The following LRP1B variants were observed in gnomAD, a reference collection of about 807,000 sequenced individuals.
The protein encoded by LRP1B is low-density lipoprotein receptor-related protein 1B.
In LRP1B, 217 loss-of-function variants were observed where a neutral mutation model predicts 556.6. The ratio of observed to expected loss-of-function variants is 0.39; its 90% CI spans 0.35 to 0.44. LRP1B has a LOEUF of 0.44. LRP1B is among the 20% of genes least tolerant of loss of function. The pLI is 1.00. For missense variants in LRP1B, 5,053 were observed against 5,620.8 expected, an observed-to-expected ratio of 0.90 and a Z score of 3.23; for synonymous variants, 2,047 against 1,865.8, an observed-to-expected ratio of 1.10 and a Z score of -2.50.
intron 2 of LRP1B, among the ~76,000 whole-genome samples, chr2:141,485,297 T>C (rs571988068): frequency 2.6e-5 from 4 of 152,250 alleles, no homozygotes; most frequent in African/African-American, 9.6e-5. Context: ...AACCAGTCCT[T>C]CCCAAATTTT....
At chr2:141,896,497 C>T (rs1042563518) in intron 1 of LRP1B, among the ~76,000 whole-genome samples, 2 of 152,054 alleles carry the variant, frequency 1.3e-5, no homozygotes, top group Non-Finnish European at 2.9e-5. Flanking sequence ...GACCCAATTG[C>T]CCCATATGTC....
intron 66 of LRP1B, among the ~76,000 whole-genome samples, chr2:140,439,643 A>G (rs1036935137): frequency 3.3e-5 from 5 of 152,060 alleles, no homozygotes; most frequent in African/African-American, 7.2e-5. Flanking sequence ...GAAGTTATAT[A>G]TTTAATTTAA....
chr2:142,007,407 C>T (rs1404884723), intron 1 of LRP1B, among the ~76,000 whole-genome samples: 1 of 152,014 alleles, frequency 6.6e-6, no homozygotes, highest in East Asian at 1.9e-4. Flanking sequence ...AACAAGTATT[C>T]TATGTTAATG....
At chr2:141,088,040 C>T (rs1700088951) in intron 7 of LRP1B, among the ~76,000 whole-genome samples, 1 of 151,968 alleles carries the variant, frequency 6.6e-6, no homozygotes, top group African/African-American at 2.4e-5. Context: ...TTTTCTATTC[C>T]AAAAACTGCT....
Position 140,495,558 on chromosome 2 carries a change from T to G in LRP1B, c.9034+7A>C. 6.4e-7 allele frequency: 1 copy of G among 1,572,634 alleles called. No homozygotes were observed. Among genetic ancestry groups the G allele is most frequent in the Non-Finnish European group, 8.7e-7 (1 of 1,148,736 alleles). On this transcript the variant is annotated splice_region_variant and intron_variant, in intron 56 of 90. Coordinates refer to ENST00000389484, the MANE Select transcript of LRP1B (RefSeq NM_018557.3). ...GGTTGGATCAGTGGGCAAGTTCAAT[T>G]CGATACCTGAGAGCGATTTGCAGCC... is the stretch of plus-strand genomic sequence containing the variant.
At chr2:140,917,684 G>T (rs757148552) in intron 21 of LRP1B, among the ~76,000 whole-genome samples, 1 of 152,132 alleles carries the variant, frequency 6.6e-6, no homozygotes, top group Non-Finnish European at 1.5e-5. Flanking sequence ...CAGGAGCTAA[G>T]GGGGAGGGAA....
At chr2:141,746,672 A>G (rs1693925361) in intron 2 of LRP1B, among the ~76,000 whole-genome samples, 1 of 152,082 alleles carries the variant, frequency 6.6e-6, no homozygotes, top group Admixed American at 6.5e-5. Flanking sequence ...CACAAGATAT[A>G]GATAGTTGTT....
At chr2:141,891,710 T>G (rs1159050079) in intron 1 of LRP1B, among the ~76,000 whole-genome samples, 2 of 152,174 alleles carry the variant, frequency 1.3e-5, no homozygotes, top group African/African-American at 2.4e-5. Flanking sequence ...TTTATGCATC[T>G]AAGCAATTTA....
intron 27 of LRP1B, among the ~76,000 whole-genome samples, chr2:140,861,607 T>C (rs1203719104): frequency 1.3e-5 from 2 of 152,212 alleles, no homozygotes; most frequent in Non-Finnish European, 2.9e-5. Context: ...GGTATTTTTT[T>C]TGGAATTTAC....
chr2:140,701,992 G>T, intron 39 of LRP1B, 147 bp from the exon 40 acceptor site: 1 of 1,295,764 alleles, frequency 7.7e-7, no homozygotes, highest in Non-Finnish European at 1.1e-6. Flanking sequence ...GCTTGGAATA[G>T]CAAGAGTACC....
intron 2 of LRP1B, among the ~76,000 whole-genome samples, chr2:141,686,455 T>C (rs1040016932): frequency 6.6e-6 from 1 of 151,992 alleles, no homozygotes; most frequent in Non-Finnish European, 1.5e-5. Flanking sequence ...AATAATGGTT[T>C]ACAGTACATA....
chr2:141,368,583 A>G (rs1689123612), intron 3 of LRP1B, among the ~76,000 whole-genome samples: 1 of 152,216 alleles, frequency 6.6e-6, no homozygotes, highest in Non-Finnish European at 1.5e-5. Flanking sequence ...TCTAAATGTC[A>G]ATGCATAATG....
chr2:140,577,148 G>C (rs1039399828), intron 43 of LRP1B, among the ~76,000 whole-genome samples: 1 of 152,068 alleles, frequency 6.6e-6, no homozygotes, highest in Admixed American at 6.5e-5. Flanking sequence ...GGTCTACTGG[G>C]AGATCAACTT....
chr2:140,669,228 G>A (rs1685396146), intron 41 of LRP1B, among the ~76,000 whole-genome samples: 1 of 151,910 alleles, frequency 6.6e-6, no homozygotes, highest in Non-Finnish European at 1.5e-5. Context: ...GGCTCTTATA[G>A]GGATATAAAA....
rs1553438792 is a variant in LRP1B, at chr2:140,968,008, T to TGTTGTGTGTC, written c.2887+14151_2887+14152insGACACACAAC. Among the ~76,000 whole-genome samples the TGTTGTGTGTC allele has an allele frequency of 2.2e-4, 4 of 18,076 alleles. 1 individual carries two copies. Among genetic ancestry groups the TGTTGTGTGTC allele is most frequent in the Non-Finnish European group, 6.2e-4 (4 of 6,436 alleles). The allele number at this position is 18,076 out of a possible 152,430, so 11.9% of individuals were successfully genotyped here. On this transcript the variant is annotated intron_variant, in intron 18 of 90. Transcript: ENST00000389484. ...GATATTGGTCTAAAATTCTCTTTTTTTGCCAGGCTTTGGTATCAAGATGAT... is the reference window on the plus strand; with the variant it reads ...GATATTGGTCTAAAATTCTCTTTTTTGTTGTGTGTCTGCCAGGCTTTGGTATCAAGATGAT...
chr2:141,035,616 A>C (rs1698510752), intron 11 of LRP1B, among the ~76,000 whole-genome samples: 1 of 152,056 alleles, frequency 6.6e-6, no homozygotes, highest in African/African-American at 2.4e-5. Context: ...TAAGGATCAG[A>C]TTTATAGATT....
intron 3 of LRP1B, among the ~76,000 whole-genome samples, chr2:141,392,124 G>T (rs1017389756): frequency 6.6e-6 from 1 of 151,986 alleles, no homozygotes. Context: ...CAGGAGCATG[G>T]GTTACTAATG....
intron 41 of LRP1B, among the ~76,000 whole-genome samples, chr2:140,619,085 ACACACACACAC>A (rs1683360328): frequency 3.3e-5 from 2 of 59,760 alleles, no homozygotes; most frequent in Admixed American, 3.1e-4. Context: ...ACACACACAC[ACACACACACAC>A]ACACACACAC....
intron 90 of LRP1B, 46 bp from the exon 91 acceptor site, chr2:140,233,372 C>A: frequency 7.2e-7 from 1 of 1,380,752 alleles, no homozygotes; most frequent in Non-Finnish European, 9.8e-7. Context: ...TGGTCTTGGC[C>A]ACATTAATTA....
Sources: allele counts gnomAD v4.1 joint callset (sites outside exome capture counted in the v4.1 genomes callset), GRCh38; gene constraint gnomAD v4.1.1; transcripts MANE v1.5; gene names NCBI Gene and HGNC (gene_info 2026-07-23, HGNC 2026-07-21).